The following CDHR1 variants were observed in gnomAD, a reference collection of about 807,000 sequenced individuals.
CDHR1 encodes cadherin-related family member 1.
In CDHR1, 61 loss-of-function variants were observed where a neutral mutation model predicts 72.1. The observed-to-expected ratio is 0.85, with a 90% CI of 0.69 to 1.05. The LOEUF (loss-of-function observed/expected upper bound fraction) is 1.05. Ranked by LOEUF, CDHR1 falls within the 50% of genes least tolerant of loss-of-function variation. The probability of loss-of-function intolerance (pLI) is 0.00; values close to 1 mark genes in which losing one functional copy is unlikely to be tolerated. For missense variants in CDHR1, 1,186 were observed against 1,115.7 expected (o/e 1.06, Z -0.90); for synonymous variants, 470 against 448.1 (o/e 1.05, Z -0.62).
Position 84,214,689 on chromosome 10 carries a change from C to T in CDHR1, c.*68C>T, listed in dbSNP as rs1842399902. ...CCACCACCCTGCTGCTCGGACTATG[C>T]TCCCCTTCCTCTGCTCCTTAAGGTC... On this transcript the variant is annotated 3_prime_UTR_variant, in exon 17 of 17. Transcript: ENST00000623527. 1 of 1,595,080 alleles carries T rather than the reference C, an allele frequency of 6.3e-7. No homozygotes were observed. Among genetic ancestry groups the T allele is most frequent in the African/African-American group, 1.3e-5 (1 of 74,870 alleles).
At position 84,217,664 on chromosome 10, in the gene CDHR1, A is replaced by G. The variant is rs1842446514; in HGVS notation, c.*3043A>G. ...CCGTGACTGTGGCCCACATACTAGA[A>G]CACCATGTCCTGAAAGAGAGGACCC... On this transcript the variant is annotated 3_prime_UTR_variant, in exon 17 of 17. Coordinates refer to ENST00000623527, the MANE Select transcript of CDHR1 (RefSeq NM_033100.4). 1.0e-6 allele frequency: 1 copy of G among 985,396 alleles called. No individual in the cohort carries two copies. The allele number at this position is 985,396 out of a possible 1,614,324, so 61.0% of individuals were successfully genotyped here.
rs1387697727 is a variant in CDHR1 at position 84,214,933 on chromosome 10, C to T, written c.*312C>T. 16 of 1,297,868 alleles carry T rather than the reference C, an allele frequency of 1.2e-5. No homozygotes were observed. The Admixed American group carries it at 3.7e-4, about 30-fold the overall frequency. The allele number at this position is 1,297,868 out of a possible 1,614,324, so 80.4% of individuals were successfully genotyped here. A position where few individuals can be genotyped will look rare whatever the true frequency, so the allele number is the denominator to read the frequency against. On this transcript the variant is annotated 3_prime_UTR_variant, in exon 17 of 17. Transcript: ENST00000623527. ...TTCAGGGCTGAGAATTGACGAGAAG[C>T]CAGCTCACCCATCCCAGACCTCACA... is the stretch of plus-strand genomic sequence containing the variant.
At chr10:84,208,918 G>T in intron 12 of CDHR1, 37 bp downstream of exon 12, 1 of 1,605,034 alleles carries the variant, frequency 6.2e-7, no homozygotes, top group East Asian at 2.2e-5. Context: ...CTGAATGGGA[G>T]GGTCCCAGGA....
At position 84,214,993 on chromosome 10, in the gene CDHR1, C is replaced by T. The variant is rs1842404701; in HGVS notation, c.*372C>T. The T allele has an allele frequency of 8.6e-7, 1 of 1,166,314 alleles. No homozygotes were observed. The highest frequency in any genetic ancestry group is 1.1e-6 in the Non-Finnish European group (1 of 937,332). 72.2% of individuals were successfully genotyped at this position (1,166,314 alleles called of 1,614,324 possible). A position where few individuals can be genotyped will look rare whatever the true frequency, so the allele number is the denominator to read the frequency against. ...GTTCTACTGGGATCTCATCATCATCCTTAGTCAAGCAGCAGGGCCCTGGCC... is the reference window on the plus strand; with the variant it reads ...GTTCTACTGGGATCTCATCATCATCTTTAGTCAAGCAGCAGGGCCCTGGCC... On this transcript the variant is annotated 3_prime_UTR_variant, in exon 17 of 17. Coordinates refer to ENST00000623527, the MANE Select transcript of CDHR1 (RefSeq NM_033100.4).
downstream of CDHR1, chr10:84,219,547 T>TA (rs1427081692): frequency 2.4e-6 from 1 of 410,158 alleles, no homozygotes; most frequent in Non-Finnish European, 4.3e-6. Flanking sequence ...ACCCTCAAGA[T>TA]CCGTAGACCA....
rs1458888584 is a variant in CDHR1 at position 84,201,817 on chromosome 10, C to A, written c.536C>A (p.Ser179Tyr). 1.2e-6 allele frequency: 2 copies of A among 1,610,428 alleles called. No individual in the cohort carries two copies. Among genetic ancestry groups the A allele is most frequent in the Non-Finnish European group, 1.7e-6 (2 of 1,179,942 alleles). ...SVTYFLQNLH[S>Y]PFAVDRHSGV... ...CCCTAATTCTTATAGAACCTGCACTCCCCATTTGCCGTGGACCGCCACAGC... is the reference window on the plus strand; with the variant it reads ...CCCTAATTCTTATAGAACCTGCACTACCCATTTGCCGTGGACCGCCACAGC... Residue 179 changes from serine (S) to tyrosine (Y), a missense_variant, in exon 7 of 17, where the codon TCC becomes TAC. Physicochemically the swap from Ser to Tyr is moderately radical, Grantham distance 144. Coordinates refer to ENST00000623527, the MANE Select transcript of CDHR1 (RefSeq NM_033100.4).
Position 84,201,911 on chromosome 10 carries a change from G to A in CDHR1, c.630G>A (p.Val210=), listed in dbSNP as rs1467718790. 1.2e-6 allele frequency: 2 copies of A among 1,604,280 alleles called. No homozygotes were observed. Among genetic ancestry groups the A allele is most frequent in the African/African-American group, 1.3e-5 (1 of 75,032 alleles). The part of the protein sequence containing the change: ...YERSRTHYIT[V]VAKDGGGRLH... The stretch of plus-strand genomic sequence containing the variant: ...GGTCCCGGACCCACTACATCACCGT[G>A]GTCGCCAAGGTAACACAGCAGGACA... Residue 210 remains valine, a synonymous_variant, in exon 7 of 17, where the codon GTG becomes GTA. Transcript: ENST00000623527.
intron 14 of CDHR1, 44 bp from the exon 15 acceptor site, chr10:84,212,135 G>A: frequency 6.9e-7 from 1 of 1,455,840 alleles, no homozygotes; most frequent in Non-Finnish European, 9.6e-7. Flanking sequence ...ATGCACATAT[G>A]TGTATATGCG....
intron 4 of CDHR1, 130 bp from the exon 5 acceptor site, chr10:84,198,902 A>C: frequency 1.4e-6 from 1 of 695,788 alleles, no homozygotes; most frequent in Non-Finnish European, 2.6e-6. Flanking sequence ...TAAAAGAAGG[A>C]AGAGAGAGAG....
rs1842460644 is a variant in CDHR1, at chr10:84,218,398, T to C, written c.*3777T>C. On this transcript the variant is annotated 3_prime_UTR_variant, in exon 17 of 17. Transcript: ENST00000623527. ...TTGAGGCCTGAATGAGGTTCGGTTATTTATTCATTTCTCAATAATTTACTC... is the reference window on the plus strand; with the variant it reads ...TTGAGGCCTGAATGAGGTTCGGTTACTTATTCATTTCTCAATAATTTACTC... 2 of 985,444 alleles carry C rather than the reference T, an allele frequency of 2.0e-6. No individual in the cohort carries two copies. The highest frequency in any genetic ancestry group is 3.5e-5 in the African/African-American group (2 of 57,366). 61.0% of individuals were successfully genotyped at this position (985,444 alleles called of 1,614,324 possible).
rs560126202 is a variant in CDHR1, at chr10:84,215,911, A to G, written c.*1290A>G. The G allele has an allele frequency of 5.3e-5, 52 of 985,446 alleles. No individual in the cohort carries two copies. In the South Asian group the frequency reaches 1.4e-3, roughly 26 times the overall value. 61.0% of individuals were successfully genotyped at this position (985,446 alleles called of 1,614,324 possible). A position where few individuals can be genotyped will look rare whatever the true frequency, so the allele number is the denominator to read the frequency against. The stretch of plus-strand genomic sequence containing the variant: ...TACCGTCAGAGAGAACCAGAGCTCC[A>G]AGTCTTTAATTTGCCAAGATGAAGA... On this transcript the variant is annotated 3_prime_UTR_variant, in exon 17 of 17. Transcript: ENST00000623527.
At chr10:84,203,171 C>G (rs1842161622) in intron 8 of CDHR1, 48 bp downstream of exon 8, 3 of 1,612,088 alleles carry the variant, frequency 1.9e-6, no homozygotes, top group Non-Finnish European at 2.5e-6. Flanking sequence ...ATGCCTCCTG[C>G]CCTGACCCTT....
Position 84,207,325 on chromosome 10 carries a change from A to G in CDHR1, c.964-849A>G, listed in dbSNP as rs147892834. On this transcript the variant is annotated intron_variant, in intron 10 of 16. Coordinates refer to ENST00000623527, the MANE Select transcript of CDHR1 (RefSeq NM_033100.4). ...GAGAGGTTGAGGAGAAGATGTAGAG[A>G]GCAGAGTCACATTGCTGTGGGAATA... Among the ~76,000 whole-genome samples, 704 of 152,214 alleles carry G rather than the reference A, an allele frequency of 4.6e-3. 6 individuals carry two copies. The highest frequency in any genetic ancestry group is 0.016 in the African/African-American group (672 of 41,540).
chr10:84,196,371 G>C, intron 2 of CDHR1, 134 bp from the exon 3 acceptor site: 1 of 949,682 alleles, frequency 1.1e-6, no homozygotes, highest in Non-Finnish European at 1.7e-6. Context: ...TGAGCACCAA[G>C]TTCAGGGCAG....
chr10:84,202,217 C>T (rs1213498594), intron 7 of CDHR1, among the ~76,000 whole-genome samples: 1 of 152,138 alleles, frequency 6.6e-6, no homozygotes, highest in African/African-American at 2.4e-5. Context: ...AACAGCATGG[C>T]CTCTGGGCAC....
At position 84,205,932 on chromosome 10, in the gene CDHR1, C is replaced by G. The variant is rs1229356202; in HGVS notation, c.963+5C>G. Reference sequence around the variant, plus strand: ...GTGTATGAGCTGCATGTACAGGTACCCTCCCTCTAGCTTTGTCTTCCCTGC... The same window carrying G: ...GTGTATGAGCTGCATGTACAGGTACGCTCCCTCTAGCTTTGTCTTCCCTGC... On this transcript the variant is annotated splice_donor_5th_base_variant and intron_variant, in intron 10 of 16. Transcript: ENST00000623527. The G allele has an allele frequency of 6.2e-7, 1 of 1,609,830 alleles. No individual in the cohort carries two copies. The highest frequency in any genetic ancestry group is 1.3e-5 in the African/African-American group (1 of 74,834).
At position 84,196,300 on chromosome 10, in the gene CDHR1, C is replaced by A. The variant is rs77338033; in HGVS notation, c.152-205C>A. 3.3e-5 allele frequency among the ~76,000 whole-genome samples: 5 copies of A among 152,186 alleles called. No individual in the cohort carries two copies. In the East Asian group the frequency reaches 7.7e-4, roughly 23 times the overall value. ...CTGGAAAGTGGCTGATCATCACAAC[C>A]ACCCGCTGTGAAGAATAAACATACA... On this transcript the variant is annotated intron_variant, in intron 2 of 16. Transcript: ENST00000623527.
chr10:84,204,469 G>T, intron 8 of CDHR1, 58 bp from the exon 9 acceptor site: 1 of 1,170,462 alleles, frequency 8.5e-7, no homozygotes, highest in Non-Finnish European at 1.3e-6. Flanking sequence ...GACATTGTTT[G>T]GGGAGGGGAG....
At position 84,216,393 on chromosome 10, in the gene CDHR1, A is replaced by G. The variant is rs558790660; in HGVS notation, c.*1772A>G. ...AGGAGCCCAGACTGAGCAAATAAGT[A>G]CTTTCCAGCCTGTGTTTCAGGAGAG... On this transcript the variant is annotated 3_prime_UTR_variant, in exon 17 of 17. Coordinates refer to ENST00000623527, the MANE Select transcript of CDHR1 (RefSeq NM_033100.4). The G allele has an allele frequency of 1.0e-6, 1 of 985,502 alleles. No individual in the cohort carries two copies. Among genetic ancestry groups the G allele is most frequent in the East Asian group, 1.1e-4 (1 of 8,810 alleles). 61.0% of individuals were successfully genotyped at this position (985,502 alleles called of 1,614,324 possible).
Sources: allele counts gnomAD v4.1 joint callset (sites outside exome capture counted in the v4.1 genomes callset), GRCh38; gene constraint gnomAD v4.1.1; transcripts MANE v1.5; gene names NCBI Gene and HGNC (gene_info 2026-07-23, HGNC 2026-07-21).